RAPH1: variants seen among roughly 807,000 people sequenced by gnomAD.
The protein encoded by RAPH1 is Ras association (RalGDS/AF-6) and pleckstrin homology domains 1.
Under a neutral mutation model 88.1 loss-of-function variants are expected in RAPH1, and 18 were observed. The ratio of observed to expected loss-of-function variants is 0.20; its 90% CI spans 0.14 to 0.30. The LOEUF (loss-of-function observed/expected upper bound fraction) is 0.30, where lower values mean the gene tolerates loss of function less well. Among genes scored for constraint, RAPH1 ranks in the 10% least tolerant of loss-of-function variants. The pLI, the probability that RAPH1 is intolerant of heterozygous loss-of-function variation, is 1.00. For missense variants in RAPH1, 1,448 were observed against 1,543.2 expected (o/e 0.94, Z 1.03); for synonymous variants, 587 against 559.0 (o/e 1.05, Z -0.71).
chr2:203,525,829 A>G (rs1362093594), intron 1 of RAPH1, among the ~76,000 whole-genome samples: 1 of 152,174 alleles, frequency 6.6e-6, no homozygotes, highest in African/African-American at 2.4e-5. Flanking sequence ...TGGAGACAAA[A>G]GCATGGTTAT....
rs1688190988 is a variant in RAPH1 at position 203,490,080 on chromosome 2, T to C, written c.236A>G (p.Asn79Ser). ...ATCCAGATCCACAGTCTCTCCCTGA[T>C]TCAGAGCTTCTGCAATGAACAACAC... ...FSIYNLNEAL[N>S]QGETVDLDAL... The change falls in exon 4 of 14, where the codon AAT becomes AGT. Residue 79 changes from asparagine to serine, a missense_variant. By Grantham distance (46) the Asn-to-Ser change is conservative. Coordinates refer to ENST00000319170, the MANE Select transcript of RAPH1 (RefSeq NM_213589.3). 2 of 1,605,536 alleles carry C rather than the reference T, an allele frequency of 1.2e-6. No homozygotes were observed. Among genetic ancestry groups the C allele is most frequent in the African/African-American group, 2.7e-5 (2 of 74,488 alleles).
intron 3 of RAPH1, among the ~76,000 whole-genome samples, chr2:203,490,400 T>C (rs1420875734): frequency 3.3e-5 from 5 of 152,202 alleles, no homozygotes; most frequent in African/African-American, 7.2e-5. Context: ...CTTCAATATA[T>C]TGTTAATATG....
chr2:203,494,612 T>G (rs887687164), intron 2 of RAPH1, among the ~76,000 whole-genome samples: 7 of 151,912 alleles, frequency 4.6e-5, no homozygotes, highest in Non-Finnish European at 7.4e-5. Context: ...ATCGAGACCA[T>G]CCTGGCTAAC....
At chr2:203,473,929 T>A (rs748682129) in intron 4 of RAPH1, among the ~76,000 whole-genome samples, 1 of 152,204 alleles carries the variant, frequency 6.6e-6, no homozygotes, top group Non-Finnish European at 1.5e-5. Flanking sequence ...CATGCCAGCA[T>A]TAGAGATGCA....
intron 1 of RAPH1, among the ~76,000 whole-genome samples, chr2:203,505,480 A>G (rs2012774): frequency 0.61 from 92,496 of 151,766 alleles, 28,764 homozygotes; most frequent in Middle Eastern, 0.77. Context: ...AGGAATTCTG[A>G]GAGATACAAC....
chr2:203,444,138 AAAAGAGAG>A (rs367767490), intron 13 of RAPH1: 1,648 of 150,836 alleles, frequency 0.011, 11 homozygotes, highest in Middle Eastern at 0.03. Context: ...AGAAGAGAAA[AAAAGAGAG>A]AGAGAGGCTG....
intron 7 of RAPH1, among the ~76,000 whole-genome samples, 177 bp from the exon 8 acceptor site, chr2:203,457,772 G>C (rs1324488590): frequency 6.6e-6 from 1 of 152,066 alleles, no homozygotes; most frequent in African/African-American, 2.4e-5. Flanking sequence ...CCTGTGTATG[G>C]GCATCATCAC....
chr2:203,444,468 A>C, intron 13 of RAPH1: 1 of 180,664 alleles, frequency 5.5e-6, no homozygotes, highest in Non-Finnish European at 1.1e-5. Flanking sequence ...AAAAAAAGAC[A>C]GGAAAGAAGA....
chr2:203,442,011 C>G, intron 13 of RAPH1: 3 of 1,555,660 alleles, frequency 1.9e-6, no homozygotes, highest in Non-Finnish European at 2.6e-6. Context: ...TGGTGTGAGA[C>G]AATTGCATCC....
In RAPH1 at chr2:203,489,169, T is replaced by C. The variant is rs922938482; in HGVS notation, c.732+415A>G. Among the ~76,000 whole-genome samples, 12 of 151,758 alleles carry C rather than the reference T, an allele frequency of 7.9e-5. 1 individual carries two copies. The East Asian group carries it at 2.1e-3, about 27-fold the overall frequency. On this transcript the variant is annotated intron_variant, in intron 4 of 13. Transcript: ENST00000319170. The stretch of plus-strand genomic sequence containing the variant: ...AAAAAGGAGAAAAAAAAAAAGATAA[T>C]GAAATGGAGTTAACCCTGTAAACTA...
chr2:203,456,135 C>T (rs1341994243), intron 8 of RAPH1, among the ~76,000 whole-genome samples: 3 of 152,180 alleles, frequency 2.0e-5, no homozygotes, highest in African/African-American at 7.2e-5. Flanking sequence ...GCCAGTCATA[C>T]ATGTAATACT....
In RAPH1 at chr2:203,440,759, G is replaced by A. The variant is rs1270397825; in HGVS notation, c.2431C>T (p.Pro811Ser). 1.9e-6 allele frequency: 3 copies of A among 1,611,114 alleles called. No homozygotes were observed. The highest frequency in any genetic ancestry group is 2.5e-6 in the Non-Finnish European group (3 of 1,178,738). Residue 811 changes from proline (P) to serine (S), a missense_variant, in exon 14 of 14, where the codon CCC becomes TCC. Pro to Ser is a moderately conservative substitution (Grantham distance 74). Coordinates refer to ENST00000319170, the MANE Select transcript of RAPH1 (RefSeq NM_213589.3). ...AAAGCTGGCTGCTTTTTTGCTGGGG[G>A]CACTGGAGGAGTAGGTGTGGGTGGT... is the stretch of plus-strand genomic sequence containing the variant. ...AAPPTPTPPV[P>S]PAKKQPAFPA...
intron 4 of RAPH1, among the ~76,000 whole-genome samples, chr2:203,487,001 C>T (rs933557312): frequency 7.9e-5 from 12 of 152,136 alleles, no homozygotes; most frequent in African/African-American, 2.9e-4. Flanking sequence ...CACAGTGATA[C>T]CCATGGATAC....
In RAPH1 at chr2:203,517,661, A is replaced by G. The variant is rs546452904; in HGVS notation, c.-1+17450T>C. Among the ~76,000 whole-genome samples, 6 of 152,358 alleles carry G rather than the reference A, an allele frequency of 3.9e-5. No individual in the cohort carries two copies. In the East Asian group the frequency reaches 1.2e-3, roughly 29 times the overall value. On this transcript the variant is annotated intron_variant, in intron 1 of 13. Transcript: ENST00000319170. ...ATGTAACATAATAGAAACCATATAT[A>G]ATGTCTGCTCTCAGAGCACAATGTA...
chr2:203,489,010 G>C (rs1035682681), intron 4 of RAPH1, among the ~76,000 whole-genome samples: 3 of 152,130 alleles, frequency 2.0e-5, no homozygotes, highest in Admixed American at 1.3e-4. Flanking sequence ...TGTAATCCCA[G>C]CTACACTTGG....
chr2:203,518,698 A>T (rs983004228), intron 1 of RAPH1, among the ~76,000 whole-genome samples: 1 of 152,044 alleles, frequency 6.6e-6, no homozygotes, highest in African/African-American at 2.4e-5. Flanking sequence ...AAATTTAAAA[A>T]TTAGCTGAGT....
At chr2:203,497,703 A>C (rs1299108921) in intron 1 of RAPH1, among the ~76,000 whole-genome samples, 5 of 152,212 alleles carry the variant, frequency 3.3e-5, no homozygotes, top group Non-Finnish European at 4.4e-5. Flanking sequence ...AATCATATAT[A>C]AATCAGGTCA....
intron 4 of RAPH1, 34 bp from the exon 5 acceptor site, chr2:203,461,959 T>C (rs377502064): frequency 1.9e-6 from 3 of 1,540,136 alleles, no homozygotes; most frequent in African/African-American, 2.8e-5. Context: ...TAAACAATGC[T>C]AAGATGATGA....
chr2:203,470,267 G>C, intron 4 of RAPH1: 1 of 1,612,672 alleles, frequency 6.2e-7, no homozygotes, highest in Non-Finnish European at 8.5e-7. Context: ...AGGTTTTCCT[G>C]CAATGTTTCT....
Sources: allele counts gnomAD v4.1 joint callset (sites outside exome capture counted in the v4.1 genomes callset), GRCh38; gene constraint gnomAD v4.1.1; transcripts MANE v1.5; gene names NCBI Gene and HGNC (gene_info 2026-07-23, HGNC 2026-07-21).